The following TMEM132D variants were observed in gnomAD, a reference collection of about 807,000 sequenced individuals.
The protein encoded by TMEM132D is mature OL transmembrane protein.
Under a neutral mutation model 62.3 loss-of-function variants are expected in TMEM132D, and 21 were observed. That is an observed-to-expected ratio of 0.34 (90% CI 0.24 to 0.49). The LOEUF is 0.49. Ranked by LOEUF, TMEM132D falls within the 20% of genes least tolerant of loss-of-function variation. The pLI, the probability that TMEM132D is intolerant of heterozygous loss-of-function variation, is 0.99. For missense variants in TMEM132D, 1,346 were observed against 1,402.8 expected (o/e 0.96, Z 0.65); for synonymous variants, 621 against 575.6 (o/e 1.08, Z -1.13).
At chr12:129,555,624 T>C (rs1652859338) in intron 2 of TMEM132D, among the ~76,000 whole-genome samples, 1 of 152,234 alleles carries the variant, frequency 6.6e-6, no homozygotes, top group Admixed American at 6.5e-5. Flanking sequence ...AAACTAATTG[T>C]CAGGGAAAGA....
chr12:129,457,535 T>C (rs983934109), intron 3 of TMEM132D, among the ~76,000 whole-genome samples: 2 of 151,516 alleles, frequency 1.3e-5, no homozygotes, highest in Non-Finnish European at 2.9e-5. Context: ...GGCACATGTA[T>C]ACATATGTAA....
chr12:129,137,698 T>C (rs912516290), intron 5 of TMEM132D, among the ~76,000 whole-genome samples: 2 of 152,160 alleles, frequency 1.3e-5, no homozygotes, highest in African/African-American at 4.8e-5. Flanking sequence ...TCCTGCTTCA[T>C]TCTTCATCCT....
intron 2 of TMEM132D, among the ~76,000 whole-genome samples, chr12:129,548,814 A>T (rs1876811465): frequency 6.6e-6 from 1 of 152,272 alleles, no homozygotes; most frequent in South Asian, 2.1e-4. Context: ...AATGCAGAAG[A>T]GAAAGCACAT....
chr12:129,687,237 C>G (rs1189137373), intron 2 of TMEM132D, among the ~76,000 whole-genome samples: 2 of 152,096 alleles, frequency 1.3e-5, no homozygotes, highest in African/African-American at 2.4e-5. Flanking sequence ...CAACATTACA[C>G]AAAGCATATA....
intron 3 of TMEM132D, among the ~76,000 whole-genome samples, chr12:129,395,749 C>T (rs1360996168): frequency 6.7e-6 from 1 of 148,276 alleles, no homozygotes; most frequent in African/African-American, 2.5e-5. Flanking sequence ...ATCTATATAT[C>T]TATAGATAAA....
intron 3 of TMEM132D, among the ~76,000 whole-genome samples, chr12:129,447,191 C>T (rs892194896): frequency 3.9e-5 from 6 of 152,160 alleles, no homozygotes; most frequent in Non-Finnish European, 8.8e-5. Context: ...TTCCAACCAC[C>T]GTCCAAAACC....
At chr12:129,431,969 T>C (rs923915416) in intron 3 of TMEM132D, among the ~76,000 whole-genome samples, 3 of 152,250 alleles carry the variant, frequency 2.0e-5, no homozygotes, top group African/African-American at 7.2e-5. Context: ...TTTAGATCTC[T>C]GCTCAGATGT....
At chr12:129,263,705 G>A (rs749960755) in intron 4 of TMEM132D, among the ~76,000 whole-genome samples, 14 of 152,034 alleles carry the variant, frequency 9.2e-5, no homozygotes, top group South Asian at 2.1e-4. Context: ...GGGGATGTGT[G>A]GCTACTGAGG....
intron 2 of TMEM132D, among the ~76,000 whole-genome samples, chr12:129,668,627 A>C (rs528701366): frequency 1.1e-3 from 167 of 152,322 alleles, no homozygotes; most frequent in Middle Eastern, 3.4e-3. Context: ...ACTTTTAACA[A>C]GTGAGTAAAA....
chr12:129,488,109 C>G (rs1156283452), intron 3 of TMEM132D, among the ~76,000 whole-genome samples: 1 of 152,094 alleles, frequency 6.6e-6, no homozygotes, highest in Non-Finnish European at 1.5e-5. Flanking sequence ...GAGAGCAGCT[C>G]TCACCACGCA....
chr12:129,498,845 G>A (rs939341058), intron 3 of TMEM132D, among the ~76,000 whole-genome samples: 3 of 152,074 alleles, frequency 2.0e-5, no homozygotes, highest in Admixed American at 2.0e-4. Flanking sequence ...TCTAAGGTGG[G>A]GACATAGGGG....
At chr12:129,355,847 T>C (rs983760783) in intron 3 of TMEM132D, among the ~76,000 whole-genome samples, 7 of 152,136 alleles carry the variant, frequency 4.6e-5, no homozygotes, top group African/African-American at 1.4e-4. Flanking sequence ...TGCCTGAGAG[T>C]TCCTGGCCCT....
intron 3 of TMEM132D, among the ~76,000 whole-genome samples, chr12:129,527,273 C>A (rs151115339): frequency 8.2e-4 from 125 of 152,314 alleles, no homozygotes; most frequent in African/African-American, 2.9e-3. Context: ...CGCACCACTG[C>A]ACTCCGGCTT....
intron 4 of TMEM132D, among the ~76,000 whole-genome samples, chr12:129,305,426 C>A (rs1881825704): frequency 6.6e-6 from 1 of 152,130 alleles, no homozygotes; most frequent in African/African-American, 2.4e-5. Flanking sequence ...GGACCTCATG[C>A]CACCTGCAAA....
At chr12:129,435,401 T>A (rs999620240) in intron 3 of TMEM132D, among the ~76,000 whole-genome samples, 4 of 152,214 alleles carry the variant, frequency 2.6e-5, no homozygotes, top group Admixed American at 1.3e-4. Context: ...TACATACTAA[T>A]GTCCATAGCG....
At chr12:129,430,949 G>A (rs1235838816) in intron 3 of TMEM132D, among the ~76,000 whole-genome samples, 2 of 152,168 alleles carry the variant, frequency 1.3e-5, no homozygotes, top group Non-Finnish European at 2.9e-5. Flanking sequence ...CCTCTGTCTG[G>A]GCTTCCAGGC....
At chr12:129,602,537 T>G (rs1878508344) in intron 2 of TMEM132D, among the ~76,000 whole-genome samples, 1 of 152,166 alleles carries the variant, frequency 6.6e-6, no homozygotes, top group South Asian at 2.1e-4. Context: ...GATTTATACC[T>G]ATCCCATCCA....
intron 2 of TMEM132D, among the ~76,000 whole-genome samples, chr12:129,569,678 T>C (rs58669847): frequency 0.12 from 18,422 of 152,170 alleles, 1,304 homozygotes; most frequent in Admixed American, 0.23. Context: ...TGCCGATTTA[T>C]GTAACACCCT....
intron 2 of TMEM132D, among the ~76,000 whole-genome samples, chr12:129,664,591 A>T (rs1366379212): frequency 6.6e-6 from 1 of 151,442 alleles, no homozygotes; most frequent in East Asian, 1.9e-4. Flanking sequence ...CGCCCAGCTA[A>T]TTTTTTTGTA....
Sources: allele counts gnomAD v4.1 joint callset (sites outside exome capture counted in the v4.1 genomes callset), GRCh38; gene constraint gnomAD v4.1.1; transcripts MANE v1.5; gene names NCBI Gene and HGNC (gene_info 2026-07-23, HGNC 2026-07-21).